The following HUWE1 variants were observed in gnomAD, a reference collection of about 807,000 sequenced individuals.
HUWE1 encodes E3 ubiquitin-protein ligase HUWE1.
HUWE1 carries 18 observed loss-of-function variants against 299.4 expected under a neutral mutation model. That is an observed-to-expected ratio of 0.06 (90% CI 0.04 to 0.09). The LOEUF is 0.09. HUWE1 is among the 10% of genes least tolerant of loss of function. The pLI, the probability that HUWE1 is intolerant of heterozygous loss-of-function variation, is 1.00. For synonymous variants in HUWE1, 1,317 were observed against 1,286.1 expected, an observed-to-expected ratio of 1.02 and a Z score of -0.51; for missense variants, 1,832 against 3,462.3, an observed-to-expected ratio of 0.53 and a Z score of 11.82.
At chrX:53,645,736 A>ATATAT (rs1299708334) in intron 6 of HUWE1, among the ~76,000 whole-genome samples, 3 of 26,132 alleles carry the variant, frequency 1.1e-4, no homozygotes, top group African/African-American at 4.5e-4. Flanking sequence ...AAAAAAAAAA[A>ATATAT]ATATATATAT....
chrX:53,632,307 C>A (rs1381956586), intron 9 of HUWE1, among the ~76,000 whole-genome samples, 180 bp downstream of exon 9: 1 of 111,771 alleles, frequency 8.9e-6, no homozygotes, highest in African/African-American at 3.3e-5. Context: ...TAAGACCCAA[C>A]CCTATCAGAG....
At chrX:53,573,544 G>C (rs782419240) in intron 47 of HUWE1, among the ~76,000 whole-genome samples, 2 of 112,415 alleles carry the variant, frequency 1.8e-5, no homozygotes, top group African/African-American at 6.5e-5. Context: ...CTAACCTCAG[G>C]TGATCCGCCT....
intron 80 of HUWE1, 93 bp downstream of exon 80, chrX:53,536,054 T>G: frequency 7.3e-6 from 4 of 551,405 alleles, no homozygotes; most frequent in South Asian, 2.4e-5. Flanking sequence ...CTTAGAACTA[T>G]GAGAAGGTCA....
At chrX:53,578,667 G>A (rs1556962568) in intron 43 of HUWE1, among the ~76,000 whole-genome samples, 1 of 88,477 alleles carries the variant, frequency 1.1e-5, no homozygotes. Flanking sequence ...CGCCCCATCC[G>A]GGAGGGAGGT....
At chrX:53,571,779 T>TA (rs1233921951) in intron 47 of HUWE1, among the ~76,000 whole-genome samples, 2 of 111,503 alleles carry the variant, frequency 1.8e-5, no homozygotes, top group Non-Finnish European at 3.8e-5. Flanking sequence ...TATAATGCAA[T>TA]ACCACTACAA....
At chrX:53,653,438 G>T (rs1341088115) in intron 4 of HUWE1, among the ~76,000 whole-genome samples, 1 of 111,284 alleles carries the variant, frequency 9.0e-6, no homozygotes, top group Non-Finnish European at 1.9e-5. Flanking sequence ...TGTGCTCTCT[G>T]AACTAAGCAC....
In HUWE1 at chrX:53,573,965, C is replaced by A; in HGVS notation, c.6098-1G>T. On this transcript the variant is annotated splice_acceptor_variant, in intron 46 of 83. Coordinates refer to ENST00000262854, the MANE Select transcript of HUWE1 (RefSeq NM_031407.7). LOFTEE classifies it high-confidence loss of function. ...TCTCGAGACTCCTCTGGAGTTGAAG[C>A]TGTTGAGAAAAGTCAAACACTGGTT... 1.7e-6 allele frequency: 2 copies of A among 1,204,598 alleles called. No individual in the cohort carries two copies. Among genetic ancestry groups the A allele is most frequent in the Non-Finnish European group, 2.2e-6 (2 of 889,693 alleles).
chrX:53,600,455 C>A, intron 28 of HUWE1, 146 bp from the exon 29 acceptor site: 1 of 475,334 alleles, frequency 2.1e-6, no homozygotes, highest in Non-Finnish European at 3.6e-6. Flanking sequence ...AAAACACGAC[C>A]CAAATATTTT....
At position 53,607,422 on chromosome X, in the gene HUWE1, T is replaced by C. The variant is rs782029437; in HGVS notation, c.2496+101A>G. On this transcript the variant is annotated intron_variant, in intron 25 of 83. Coordinates refer to ENST00000262854, the MANE Select transcript of HUWE1 (RefSeq NM_031407.7). Reference sequence around the variant, plus strand: ...CAACATAACACAAATTTATTCATTATTTTTTAGTTGAAGGGAGACCATAGT... The same window carrying C: ...CAACATAACACAAATTTATTCATTACTTTTTAGTTGAAGGGAGACCATAGT... 6.2e-5 allele frequency: 43 copies of C among 696,615 alleles called. No homozygotes were observed. The African/African-American group carries it at 9.1e-4, about 15-fold the overall frequency. 57.4% of individuals were successfully genotyped at this position (696,615 alleles called of 1,213,427 possible). A position where few individuals can be genotyped will look rare whatever the true frequency, so the allele number is the denominator to read the frequency against.
intron 61 of HUWE1, among the ~76,000 whole-genome samples, chrX:53,553,163 G>A (rs1227848268): frequency 9.1e-6 from 1 of 110,051 alleles, no homozygotes; most frequent in Non-Finnish European, 1.9e-5. Flanking sequence ...TTTGGCAGGG[G>A]GATGGAGTCT....
intron 61 of HUWE1, 37 bp downstream of exon 61, chrX:53,554,595 CT>C (rs1273814428): frequency 5.2e-5 from 62 of 1,182,034 alleles, no homozygotes; most frequent in Non-Finnish European, 6.9e-5. Context: ...TTTCTTCCCT[CT>C]TGTTTCATCC....
chrX:53,585,572 C>T (rs186110472), intron 39 of HUWE1, among the ~76,000 whole-genome samples: 191 of 112,426 alleles, frequency 1.7e-3, no homozygotes, highest in African/African-American at 5.5e-3. Flanking sequence ...TTGGACACCT[C>T]TTGCTCTTCC....
At chrX:53,624,124 C>G (rs971691068) in intron 19 of HUWE1, among the ~76,000 whole-genome samples, 4 of 111,261 alleles carry the variant, frequency 3.6e-5, no homozygotes, top group Non-Finnish European at 7.5e-5. Context: ...TATATCCTTG[C>G]AGGATTTTAC....
chrX:53,665,983 C>A (rs782522321), intron 3 of HUWE1, among the ~76,000 whole-genome samples: 2 of 111,004 alleles, frequency 1.8e-5, no homozygotes, highest in African/African-American at 3.3e-5. Context: ...AGTGAGACCT[C>A]CGTCTCTACA....
intron 7 of HUWE1, among the ~76,000 whole-genome samples, chrX:53,639,705 C>T (rs782473271): frequency 8.9e-6 from 1 of 112,131 alleles, no homozygotes; most frequent in Non-Finnish European, 1.9e-5. Flanking sequence ...TATGCATGCA[C>T]TTATAAAATA....
intron 12 of HUWE1, among the ~76,000 whole-genome samples, chrX:53,630,671 A>AT (rs1442346405): frequency 1.9e-5 from 2 of 107,335 alleles, no homozygotes; most frequent in African/African-American, 6.7e-5. Flanking sequence ...AAGCATATCT[A>AT]TTAAAAAAAA....
Position 53,629,500 on chromosome X carries a change from C to T in HUWE1, c.963+16G>A. ...AGTGTTACAGCTAAGGGTTACTCAA[C>T]CTGTAAAATACTTACCATAAGCTGC... is the stretch of plus-strand genomic sequence containing the variant. On this transcript the variant is annotated intron_variant, in intron 13 of 83. Transcript: ENST00000262854. The T allele has an allele frequency of 9.3e-7, 1 of 1,073,753 alleles. No individual in the cohort carries two copies. The highest frequency in any genetic ancestry group is 1.3e-6 in the Non-Finnish European group (1 of 770,587). 88.5% of individuals were successfully genotyped at this position (1,073,753 alleles called of 1,213,427 possible).
chrX:53,633,498 C>T (rs1020073474), intron 8 of HUWE1, among the ~76,000 whole-genome samples: 4 of 111,895 alleles, frequency 3.6e-5, no homozygotes, highest in Non-Finnish European at 5.6e-5. Context: ...TGCCAGCTAA[C>T]GTGGGAAAGT....
chrX:53,534,814 C>G (rs1556910474), intron 81 of HUWE1, 117 bp from the exon 82 acceptor site: 6 of 611,157 alleles, frequency 9.8e-6, no homozygotes, highest in Non-Finnish European at 2.6e-6. Flanking sequence ...CATGCACCAC[C>G]ACAACTGGTT....
Sources: allele counts gnomAD v4.1 joint callset (sites outside exome capture counted in the v4.1 genomes callset), GRCh38; gene constraint gnomAD v4.1.1; transcripts MANE v1.5; gene names NCBI Gene and HGNC (gene_info 2026-07-23, HGNC 2026-07-21).